Variants in HORMAD1 observed in about 807,000 individuals in gnomAD.
HORMAD1 encodes the protein HORMA domain containing 1.
Under a neutral mutation model 58.2 loss-of-function variants are expected in HORMAD1, and 33 were observed. The observed-to-expected ratio is 0.57, with a 90% CI of 0.43 to 0.76. The LOEUF (loss-of-function observed/expected upper bound fraction) is 0.76. Ranked by LOEUF, HORMAD1 falls within the 30% of genes least tolerant of loss-of-function variation. HORMAD1 has a pLI of 0.00. For missense variants in HORMAD1, 363 were observed against 462.0 expected (o/e 0.79, Z 1.96); for synonymous variants, 137 against 144.6 (o/e 0.95, Z 0.38).
At position 150,720,547 on chromosome 1, in the gene HORMAD1, A is replaced by G. The variant is rs587642281; in HGVS notation, c.-34+257T>C. Among the ~76,000 whole-genome samples the G allele has an allele frequency of 1.9e-4, 29 of 152,272 alleles. 1 individual carries two copies. The East Asian group carries it at 5.4e-3, about 28-fold the overall frequency. ...GACAATTCAGCTGGAAGAGTTTACTAAAGAGGCAAACTTCATAGAAGAACC... is the reference window on the plus strand; with the variant it reads ...GACAATTCAGCTGGAAGAGTTTACTGAAGAGGCAAACTTCATAGAAGAACC... On this transcript the variant is annotated intron_variant, in intron 1 of 14. Coordinates refer to ENST00000361824, the MANE Select transcript of HORMAD1 (RefSeq NM_032132.5).
intron 5 of HORMAD1, among the ~76,000 whole-genome samples, chr1:150,713,098 A>G (rs1423090184): frequency 6.6e-6 from 1 of 152,124 alleles, no homozygotes; most frequent in African/African-American, 2.4e-5. Context: ...CCTAAAATCA[A>G]TGCCTGGCTG....
intron 4 of HORMAD1, among the ~76,000 whole-genome samples, 198 bp downstream of exon 4, chr1:150,714,417 T>G (rs587668603): frequency 1.3e-5 from 2 of 152,258 alleles, no homozygotes; most frequent in Admixed American, 1.3e-4. Context: ...ACATTTATTT[T>G]TAAAATTTAT....
chr1:150,717,007 G>T, intron 3 of HORMAD1, 131 bp downstream of exon 3: 2 of 469,612 alleles, frequency 4.3e-6, no homozygotes, highest in East Asian at 3.7e-5. Flanking sequence ...CAAGTGAACT[G>T]TCAGGTACGT....
At chr1:150,701,427 C>G (rs1651534010) in intron 13 of HORMAD1, among the ~76,000 whole-genome samples, 1 of 152,136 alleles carries the variant, frequency 6.6e-6, no homozygotes, top group African/African-American at 2.4e-5. Context: ...AAAAATGGCA[C>G]TATAATGAGT....
rs587621907 is a variant in HORMAD1, at chr1:150,711,414, A to C, written c.327+131T>G. 7 of 715,242 alleles carry C rather than the reference A, an allele frequency of 9.8e-6. No homozygotes were observed. In the South Asian group the frequency reaches 1.4e-4, roughly 14 times the overall value. The allele number at this position is 715,242 out of a possible 1,614,324, so 44.3% of individuals were successfully genotyped here. A position where few individuals can be genotyped will look rare whatever the true frequency, so the allele number is the denominator to read the frequency against. ...CCTCAGAAGAGTTTTATGAAGCTCA[A>C]ATGTGAAAATATATATGAAAGTATA... On this transcript the variant is annotated intron_variant, in intron 7 of 14. Coordinates refer to ENST00000361824, the MANE Select transcript of HORMAD1 (RefSeq NM_032132.5).
At position 150,698,711 on chromosome 1, in the gene HORMAD1, A is replaced by G; in HGVS notation, c.1128T>C (p.Ser376=). Residue 376 remains serine, a synonymous_variant, in exon 15 of 15, where the codon TCT becomes TCC. Transcript: ENST00000361824. ...GRIVLHHFDS[S]SQESVPKRRK... is the part of the protein sequence containing the mutation. ...TCCTTTTTGGCACTGACTCTTGACT[A>G]GAAGAATCAAAGTGATGGAGGACCT... 6.3e-7 allele frequency: 1 copy of G among 1,597,652 alleles called. No individual in the cohort carries two copies. Among genetic ancestry groups the G allele is most frequent in the African/African-American group, 1.3e-5 (1 of 74,600 alleles).
rs751761701 is a variant in HORMAD1 at position 150,703,412 on chromosome 1, A to G, written c.949-19T>C. On this transcript the variant is annotated intron_variant, in intron 12 of 14. Coordinates refer to ENST00000361824, the MANE Select transcript of HORMAD1 (RefSeq NM_032132.5). Reference sequence around the variant, plus strand: ...GCTCAACCTAAAAAAGAAAATAATTACAAAAAATATAACTTAGTATAATAA... The same window carrying G: ...GCTCAACCTAAAAAAGAAAATAATTGCAAAAAATATAACTTAGTATAATAA... 8.2e-6 allele frequency: 11 copies of G among 1,339,184 alleles called. No homozygotes were observed. Among genetic ancestry groups the G allele is most frequent in the Non-Finnish European group, 1.0e-5 (10 of 957,530 alleles). The allele number at this position is 1,339,184 out of a possible 1,614,324, so 83.0% of individuals were successfully genotyped here. A position where few individuals can be genotyped will look rare whatever the true frequency, so the allele number is the denominator to read the frequency against.
chr1:150,717,761 C>T lies in HORMAD1; in HGVS notation c.34-479G>A, dbSNP rs771792332. Among the ~76,000 whole-genome samples the T allele has an allele frequency of 2.0e-5, 3 of 152,186 alleles. No individual in the cohort carries two copies. The South Asian group carries it at 6.2e-4, about 32-fold the overall frequency. On this transcript the variant is annotated intron_variant, in intron 2 of 14. Transcript: ENST00000361824. The stretch of plus-strand genomic sequence containing the variant: ...GCCTGGCCAAATGGTGAAACCCTGT[C>T]TCTACTAAAAATACAAAAATTAGCT...
chr1:150,717,035 C>A, intron 3 of HORMAD1, 103 bp downstream of exon 3: 1 of 605,032 alleles, frequency 1.7e-6, no homozygotes, highest in Non-Finnish European at 2.7e-6. Context: ...ATTAATAAAG[C>A]TTCTATTAAA....
chr1:150,699,788 TC>T (rs1651484045), intron 14 of HORMAD1, among the ~76,000 whole-genome samples: 1 of 151,708 alleles, frequency 6.6e-6, no homozygotes, highest in Non-Finnish European at 1.5e-5. Flanking sequence ...TGCCTCAGTC[TC>T]CCAAAGTGCT....
chr1:150,704,526 G>A (rs1651631921), intron 10 of HORMAD1, among the ~76,000 whole-genome samples, 183 bp from the exon 11 acceptor site: 1 of 152,116 alleles, frequency 6.6e-6, no homozygotes, highest in Non-Finnish European at 1.5e-5. Flanking sequence ...AGGGAGGATT[G>A]CTTGAGACTA....
At position 150,700,143 on chromosome 1, in the gene HORMAD1, C is replaced by T. The variant is rs201729000; in HGVS notation, c.1073G>A (p.Arg358Gln). ...NQPVKSSKEN[R>Q]KRSQHESGRI... The stretch of plus-strand genomic sequence containing the variant: ...CCCAGATTCATGTTGACTTCTCTTC[C>T]GATTTTCTTTGGAAGATTTTACTGG... Residue 358 changes from arginine to glutamine, a missense_variant, in exon 14 of 15, where the codon CGG becomes CAG. Transcript: ENST00000361824. 6.3e-5 allele frequency: 100 copies of T among 1,578,658 alleles called. 1 individual carries two copies. In the East Asian group the frequency reaches 2.1e-3, roughly 33 times the overall value.
chr1:150,703,327 C>T lies in HORMAD1; in HGVS notation c.1015G>A (p.Val339Ile), dbSNP rs745563038. 6.4e-7 allele frequency: 1 copy of T among 1,564,908 alleles called. No homozygotes were observed. The highest frequency in any genetic ancestry group is 8.8e-7 in the Non-Finnish European group (1 of 1,142,728). Reference protein sequence around the residue: ...MSESKTRSGKVFQNKMANGNQ... With the variant: ...MSESKTRSGKIFQNKMANGNQ... Reference sequence around the variant, plus strand: ...ATATTTACCATTTTATTCTGAAAGACTTTTCCACTTCTTGTTTTGCTTTCA... The same window carrying T: ...ATATTTACCATTTTATTCTGAAAGATTTTTCCACTTCTTGTTTTGCTTTCA... Residue 339 changes from valine to isoleucine, a missense_variant, in exon 13 of 15, where the codon GTC becomes ATC. By Grantham distance (29) the Val-to-Ile change is conservative. Coordinates refer to ENST00000361824, the MANE Select transcript of HORMAD1 (RefSeq NM_032132.5).
rs1405766220 is a variant in HORMAD1 at position 150,706,703 on chromosome 1, A to C, written c.654T>G (p.Pro218=). The C allele has an allele frequency of 6.2e-7, 1 of 1,613,634 alleles. No homozygotes were observed. Among genetic ancestry groups the C allele is most frequent in the East Asian group, 2.2e-5 (1 of 44,856 alleles). The change falls in exon 10 of 15, where the codon CCT becomes CCG. Residue 218 remains proline (P), a synonymous_variant. Coordinates refer to ENST00000361824, the MANE Select transcript of HORMAD1 (RefSeq NM_032132.5). ...TCACTTTTACTTTGAAGATGTGAAA[A>C]GGTGTTGAGACTTCTCCCACATTTA... ...MYLNVGEVST[P]FHIFKVKVTT...
Position 150,714,123 on chromosome 1 carries a change from T to TA in HORMAD1, c.243-3dup, listed in dbSNP as rs199847530. ...AAAGCATCATAACATCCTAGCATCCTAAAAAAAAAATCAAGGATTCATTTT... is the reference window on the plus strand; with the variant it reads ...AAAGCATCATAACATCCTAGCATCCTAAAAAAAAAAATCAAGGATTCATTTT... On this transcript the variant is annotated splice_polypyrimidine_tract_variant and splice_region_variant and intron_variant, in intron 4 of 14. Coordinates refer to ENST00000361824, the MANE Select transcript of HORMAD1 (RefSeq NM_032132.5). The TA allele has an allele frequency of 4.6e-3, 6,101 of 1,317,740 alleles. No individual in the cohort carries two copies. The highest frequency in any genetic ancestry group is 5.7e-3 in the South Asian group (408 of 72,148). The allele number at this position is 1,317,740 out of a possible 1,614,324, so 81.6% of individuals were successfully genotyped here.
intron 7 of HORMAD1, among the ~76,000 whole-genome samples, chr1:150,709,887 C>T (rs1651814641): frequency 6.6e-6 from 1 of 152,206 alleles, no homozygotes; most frequent in Non-Finnish European, 1.5e-5. Flanking sequence ...ATCTGGCTTA[C>T]GTGTACGTCC....
chr1:150,700,698 A>G (rs1218783399), intron 13 of HORMAD1, among the ~76,000 whole-genome samples: 3 of 152,138 alleles, frequency 2.0e-5, no homozygotes, highest in East Asian at 3.8e-4. Flanking sequence ...CTGACTTTCA[A>G]ATGAAAGGAA....
chr1:150,717,055 C>T, intron 3 of HORMAD1, 83 bp downstream of exon 3: 1 of 804,710 alleles, frequency 1.2e-6, no homozygotes, highest in South Asian at 2.6e-5. Context: ...AATAAAATTT[C>T]TAAGTCAAAA....
chr1:150,719,799 A>G (rs904256689), intron 1 of HORMAD1, among the ~76,000 whole-genome samples: 14 of 152,228 alleles, frequency 9.2e-5, no homozygotes, highest in African/African-American at 3.1e-4. Flanking sequence ...AAAAGGCACA[A>G]TCTTCCTATT....
Sources: allele counts gnomAD v4.1 joint callset (sites outside exome capture counted in the v4.1 genomes callset), GRCh38; gene constraint gnomAD v4.1.1; transcripts MANE v1.5; gene names NCBI Gene and HGNC (gene_info 2026-07-23, HGNC 2026-07-21).